Variants in HACL2 observed in about 807,000 individuals in gnomAD.
The protein encoded by HACL2 is 2-hydroxyacyl-CoA lyase 2.
the HACL2 span, chr19:15,120,190 A>G: frequency 1.5e-6 from 1 of 687,440 alleles, no homozygotes; most frequent in Non-Finnish European, 2.5e-6. Context: ...GCAAAGTGGC[A>G]TGGGGACAGG....
At chr19:15,115,073 G>C in the HACL2 span, 3 of 700,978 alleles carry the variant, frequency 4.3e-6, no homozygotes, top group Non-Finnish European at 7.4e-6. Flanking sequence ...TGAAGAGGAG[G>C]GTCCAAGAGC....
the HACL2 span, chr19:15,116,000 C>A: frequency 1.9e-6 from 3 of 1,614,152 alleles, no homozygotes; most frequent in Non-Finnish European, 2.5e-6. Context: ...CAGTGCCTCA[C>A]CTCAGCATCT....
At chr19:15,120,337 C>T in the HACL2 span, among the ~76,000 whole-genome samples, 1 of 152,142 alleles carries the variant, frequency 6.6e-6, no homozygotes, top group South Asian at 2.1e-4. Context: ...CTCAGCATGC[C>T]AGGATTAAGC....
chr19:15,120,952 A>C, the HACL2 span, among the ~76,000 whole-genome samples: 1 of 152,210 alleles, frequency 6.6e-6, no homozygotes, highest in Admixed American at 6.5e-5. Flanking sequence ...AAAACAAAAA[A>C]GGCAAGATAA....
At chr19:15,116,637 G>T in the HACL2 span, 1 of 779,964 alleles carries the variant, frequency 1.3e-6, no homozygotes, top group Non-Finnish European at 2.1e-6. Flanking sequence ...CAGACGGGAA[G>T]CAGGCCAGGG....
the HACL2 span, among the ~76,000 whole-genome samples, chr19:15,121,196 T>C: frequency 4.6e-5 from 7 of 151,670 alleles, no homozygotes; most frequent in South Asian, 1.0e-3. Context: ...GAGGTGGAGG[T>C]TGCAGTGAGC....
chr19:15,125,748 T>C, the HACL2 span: 2 of 152,234 alleles, frequency 1.3e-5, no homozygotes, highest in Non-Finnish European at 2.9e-5. Context: ...GGTGGCCCAC[T>C]TGGCTCAGCG....
the HACL2 span, chr19:15,117,868 T>G: frequency 2.0e-5 from 33 of 1,613,626 alleles, 1 homozygote; most frequent in Middle Eastern, 2.0e-3. Context: ...TACGGGGGGA[T>G]TAAGGGGCTC....
the HACL2 span, chr19:15,125,501 G>T: frequency 5.8e-6 from 1 of 173,700 alleles, no homozygotes; most frequent in African/African-American, 2.4e-5. Context: ...CACGCCCCCG[G>T]GTTAGCGGGC....
At chr19:15,115,653 C>T in the HACL2 span, 1 of 1,613,908 alleles carries the variant, frequency 6.2e-7, no homozygotes, top group East Asian at 2.2e-5. Context: ...TCATTCCCTA[C>T]CAAGGCCATC....
the HACL2 span, among the ~76,000 whole-genome samples, chr19:15,121,618 G>C: frequency 1.3e-5 from 2 of 151,808 alleles, no homozygotes; most frequent in African/African-American, 4.8e-5. Context: ...AGACCAGCCT[G>C]GCCAACATGA....
At chr19:15,124,191 T>A in the HACL2 span, 1 of 156,058 alleles carries the variant, frequency 6.4e-6, no homozygotes, top group East Asian at 1.9e-4. Context: ...GCCCTACACA[T>A]CCAAGGCTTG....
the HACL2 span, chr19:15,123,665 G>T: frequency 1.6e-6 from 2 of 1,226,378 alleles, no homozygotes; most frequent in Non-Finnish European, 2.3e-6. The surrounding 1 kb of genome is among the most constrained non-coding windows in gnomAD (Gnocchi z 5.1). Context: ...CCCAGGTAAG[G>T]GGGCAGGAGC....
the HACL2 span, chr19:15,122,823 C>T: frequency 1.2e-3 from 1,976 of 1,613,832 alleles, 20 homozygotes; most frequent in African/African-American, 0.023. The surrounding 1 kb of genome is among the most constrained non-coding windows in gnomAD (Gnocchi z 4.0). Context: ...ACAGGGAGGA[C>T]GCTGAGTCCA....
At chr19:15,115,842 C>T in the HACL2 span, 3 of 1,613,664 alleles carry the variant, frequency 1.9e-6, no homozygotes, top group East Asian at 6.7e-5. Flanking sequence ...TCAGGCCAGC[C>T]CAGTCACCTT....
At chr19:15,116,657 G>A in the HACL2 span, 4 of 667,800 alleles carry the variant, frequency 6.0e-6, no homozygotes, top group South Asian at 7.7e-5. Context: ...GGTGCTCCTA[G>A]AAAAAAAACA....
chr19:15,118,554 T>C, the HACL2 span, among the ~76,000 whole-genome samples: 1 of 152,124 alleles, frequency 6.6e-6, no homozygotes, highest in East Asian at 1.9e-4. Context: ...GCAAGACCTC[T>C]GAGTGAAGAC....
the HACL2 span, chr19:15,116,113 G>A: frequency 6.2e-7 from 1 of 1,613,252 alleles, no homozygotes; most frequent in Non-Finnish European, 8.5e-7. Context: ...GCGTCCTGAT[G>A]GATGGTGCCC....
chr19:15,116,632 G>T, the HACL2 span: 1 of 823,594 alleles, frequency 1.2e-6, no homozygotes, highest in Non-Finnish European at 1.9e-6. Flanking sequence ...GCAGGCAGAC[G>T]GGAAGCAGGC....
Sources: allele counts gnomAD v4.1 joint callset (sites outside exome capture counted in the v4.1 genomes callset), GRCh38; gene constraint gnomAD v4.1.1; non-coding constraint Gnocchi (gnomAD v3.1); transcripts MANE v1.5; gene names NCBI Gene and HGNC (gene_info 2026-07-23, HGNC 2026-07-21).